SGCD: variants seen among roughly 807,000 people sequenced by gnomAD.
The protein encoded by SGCD is delta-sarcoglycan.
A neutral mutation model predicts 36.6 loss-of-function variants in SGCD; 18 were observed. That is an observed-to-expected ratio of 0.49 (90% CI 0.34 to 0.73). The LOEUF (loss-of-function observed/expected upper bound fraction) is 0.73. Among genes scored for constraint, SGCD ranks in the 30% least tolerant of loss-of-function variants. The pLI is 0.01. For synonymous variants in SGCD, 133 were observed against 130.6 expected (o/e 1.02, Z -0.12); for missense variants, 387 against 346.7 (o/e 1.12, Z -0.92).
At chr5:156,408,630 A>G (rs922915722) in intron 3 of SGCD, among the ~76,000 whole-genome samples, 1 of 152,162 alleles carries the variant, frequency 6.6e-6, no homozygotes, top group South Asian at 2.1e-4. Flanking sequence ...AAGTGCTGGG[A>G]TTACAGGCGT....
upstream of SGCD, among the ~76,000 whole-genome samples, chr5:156,324,548 T>C (rs529065290): frequency 6.6e-6 from 1 of 152,312 alleles, no homozygotes; most frequent in African/African-American, 2.4e-5. Context: ...CTAGCAGTTA[T>C]AAAGCTGGGT....
At chr5:156,004,665 C>A (rs564814721) in intron 1 of SGCD, among the ~76,000 whole-genome samples, 1 of 152,330 alleles carries the variant, frequency 6.6e-6, no homozygotes, top group African/African-American at 2.4e-5. Flanking sequence ...TTAGATTAAG[C>A]AAAGTTTGGC....
chr5:156,464,380 C>A (rs939595051), intron 3 of SGCD, among the ~76,000 whole-genome samples: 1 of 151,966 alleles, frequency 6.6e-6, no homozygotes, highest in Non-Finnish European at 1.5e-5. Flanking sequence ...ACCACCATAC[C>A]TGACTAATTT....
the SGCD span, among the ~76,000 whole-genome samples, chr5:155,755,693 G>C: frequency 6.6e-6 from 1 of 152,176 alleles, no homozygotes; most frequent in East Asian, 1.9e-4. Context: ...ATCCTTCTGT[G>C]TTCTTGTAAC....
intron 3 of SGCD, among the ~76,000 whole-genome samples, chr5:156,350,301 A>G (rs1278673698): frequency 1.3e-5 from 2 of 148,316 alleles, no homozygotes; most frequent in Non-Finnish European, 3.0e-5. Flanking sequence ...TTATGTAGGA[A>G]AGAGTGATTA....
intron 3 of SGCD, among the ~76,000 whole-genome samples, chr5:156,309,573 C>G (rs977397109): frequency 1.4e-5 from 2 of 147,556 alleles, no homozygotes; most frequent in African/African-American, 4.9e-5. Flanking sequence ...CCTTGACTTT[C>G]ATTACATCTT....
chr5:156,647,465 A>G lies in SGCD; in HGVS notation c.504A>G (p.Gly168=). 1 of 1,578,918 alleles carries G rather than the reference A, an allele frequency of 6.3e-7. No individual in the cohort carries two copies. The highest frequency in any genetic ancestry group is 8.6e-7 in the Non-Finnish European group (1 of 1,159,742). ...TTTGCTTTTCTGTTTTGTTTACAGG[A>G]GCGGAGGGCACAGTGTTCCCTAAAT... ...VVGAERLRVL[G]AEGTVFPKSI... The change falls in exon 7 of 9, where the codon GGA becomes GGG. Residue 168 remains glycine (G), a splice_region_variant and synonymous_variant. Transcript: ENST00000337851.
intron 7 of SGCD, among the ~76,000 whole-genome samples, chr5:156,714,387 C>A (rs157354): frequency 0.081 from 12,393 of 152,262 alleles, 681 homozygotes; most frequent in Non-Finnish European, 0.12. Context: ...CACAAGAAGG[C>A]TGACATGTGC....
intron 3 of SGCD, among the ~76,000 whole-genome samples, chr5:156,348,025 G>A (rs1023559015): frequency 2.0e-5 from 3 of 152,124 alleles, no homozygotes; most frequent in Admixed American, 6.6e-5. Flanking sequence ...TAGAAAATTG[G>A]TCTTGCCCTG....
Position 156,601,572 on chromosome 5 carries a change from T to C in SGCD, c.502+6521T>C, listed in dbSNP as rs577438888. ...ATGTTTAGAAGTGCAATGCCTGCAG[T>C]TTAATTCTTCTTGCTCACAATTGTT... is the stretch of plus-strand genomic sequence containing the variant. On this transcript the variant is annotated intron_variant, in intron 6 of 8. Transcript: ENST00000337851. Among the ~76,000 whole-genome samples, 28 of 152,348 alleles carry C rather than the reference T, an allele frequency of 1.8e-4. No individual in the cohort carries two copies. In the South Asian group the frequency reaches 5.8e-3, roughly 32 times the overall value.
At chr5:156,599,218 G>A (rs984643646) in intron 6 of SGCD, among the ~76,000 whole-genome samples, 29 of 152,224 alleles carry the variant, frequency 1.9e-4, no homozygotes, top group Non-Finnish European at 2.8e-4. Context: ...TTTTTGAGTC[G>A]TCAGACTGTA....
At chr5:155,882,780 A>G (rs1463291726) in intron 1 of SGCD, among the ~76,000 whole-genome samples, 1 of 152,206 alleles carries the variant, frequency 6.6e-6, no homozygotes, top group Non-Finnish European at 1.5e-5. Context: ...GATTTTGGAA[A>G]TGGTCAGTGA....
intron 4 of SGCD, among the ~76,000 whole-genome samples, chr5:156,551,379 A>G (rs184536007): frequency 7.2e-5 from 11 of 151,928 alleles, no homozygotes; most frequent in African/African-American, 1.9e-4. Context: ...TACACACTCA[A>G]ATATGCACAC....
intron 3 of SGCD, among the ~76,000 whole-genome samples, chr5:156,482,140 C>T (rs531216011): frequency 3.3e-5 from 5 of 152,186 alleles, no homozygotes; most frequent in Middle Eastern, 3.4e-3. Context: ...TGAGCCAAGG[C>T]GGAACCCAAG....
At chr5:156,243,500 G>A (rs1252598565) in intron 3 of SGCD, among the ~76,000 whole-genome samples, 1 of 152,108 alleles carries the variant, frequency 6.6e-6, no homozygotes, top group Non-Finnish European at 1.5e-5. Context: ...TAACCCAGTG[G>A]CATTGCATTG....
At chr5:156,077,379 G>A (rs1760813344) in intron 1 of SGCD, among the ~76,000 whole-genome samples, 1 of 152,040 alleles carries the variant, frequency 6.6e-6, no homozygotes, top group Admixed American at 6.6e-5. Flanking sequence ...CTTATTATTG[G>A]GATGGAAGGA....
In SGCD at chr5:156,439,282, G is replaced by T. The variant is rs529895866; in HGVS notation, c.193-69319G>T. Among the ~76,000 whole-genome samples, 361 of 152,238 alleles carry T rather than the reference G, an allele frequency of 2.4e-3. 3 individuals carry two copies. The highest frequency in any genetic ancestry group is 3.4e-3 in the Non-Finnish European group (233 of 68,008). ...GCTCTGTGTAATGCAGCCAGTAAGT[G>T]AAAGAGCTGAGGAGTGTCTTATCTT... On this transcript the variant is annotated intron_variant, in intron 3 of 8. Transcript: ENST00000337851.
intron 4 of SGCD, among the ~76,000 whole-genome samples, chr5:156,557,811 T>G (rs1581165702): frequency 6.6e-6 from 1 of 152,066 alleles, no homozygotes; most frequent in East Asian, 1.9e-4. Context: ...TCTTATATTG[T>G]GGGCAGGCCT....
At chr5:155,810,437 C>T in the SGCD span, among the ~76,000 whole-genome samples, 2 of 152,098 alleles carry the variant, frequency 1.3e-5, no homozygotes, top group African/African-American at 4.8e-5. Flanking sequence ...ATGTTTTTAT[C>T]CTTCTTCTAA....
Sources: allele counts gnomAD v4.1 joint callset (sites outside exome capture counted in the v4.1 genomes callset), GRCh38; gene constraint gnomAD v4.1.1; transcripts MANE v1.5; gene names NCBI Gene and HGNC (gene_info 2026-07-23, HGNC 2026-07-21).